The following LYRM4 variants were observed in gnomAD, a reference collection of about 807,000 sequenced individuals.
The protein encoded by LYRM4 is LYR motif containing 4.
In LYRM4, 9 loss-of-function variants were observed where a neutral mutation model predicts 11.7. That is an observed-to-expected ratio of 0.77 (90% CI 0.46 to 1.34). The LOEUF is 1.34. Among genes scored for constraint, LYRM4 ranks in the 40% most tolerant of loss-of-function variants. The pLI is 0.00. For synonymous variants in LYRM4, 42 were observed against 40.4 expected, an observed-to-expected ratio of 1.04 and a Z score of -0.15; for missense variants, 133 against 112.5, an observed-to-expected ratio of 1.18 and a Z score of -0.82.
intron 2 of LYRM4, among the ~76,000 whole-genome samples, chr6:5,134,828 CA>C: frequency 7.4e-6 from 1 of 136,002 alleles, no homozygotes; most frequent in East Asian, 2.0e-4. Context: ...AAAATGTCAT[CA>C]AATGTCTATT....
intron 2 of LYRM4, among the ~76,000 whole-genome samples, chr6:5,168,897 C>A (rs1001721698): frequency 1.3e-5 from 2 of 151,980 alleles, no homozygotes; most frequent in Admixed American, 6.6e-5. Context: ...GCAAGAGTGA[C>A]GGTGATAAAG....
At chr6:5,245,176 T>A (rs1764139904) in intron 1 of LYRM4, among the ~76,000 whole-genome samples, 1 of 103,084 alleles carries the variant, frequency 9.7e-6, no homozygotes, top group Admixed American at 1.1e-4. Context: ...AATAGGTGAA[T>A]TTCTGGAACA....
At chr6:5,093,988 C>A in the LYRM4 span, among the ~76,000 whole-genome samples, 1 of 152,234 alleles carries the variant, frequency 6.6e-6, no homozygotes, top group Non-Finnish European at 1.5e-5. Flanking sequence ...CCAACCCCGA[C>A]TAGGTTGGTT....
chr6:5,074,527 G>C, the LYRM4 span, among the ~76,000 whole-genome samples: 1 of 150,304 alleles, frequency 6.7e-6, no homozygotes, highest in East Asian at 2.0e-4. Context: ...AGCAGCAAGA[G>C]AACTAGAATT....
chr6:5,172,264 C>T (rs1759472974), intron 2 of LYRM4, among the ~76,000 whole-genome samples: 1 of 152,168 alleles, frequency 6.6e-6, no homozygotes, highest in Admixed American at 6.5e-5. Flanking sequence ...TGGGAAAGCA[C>T]GCTGTAACAC....
In LYRM4 at chr6:5,156,584, G is replaced by A. The variant is rs76199533; in HGVS notation, c.208-47093C>T. 5.9e-3 allele frequency among the ~76,000 whole-genome samples: 904 copies of A among 152,366 alleles called. 8 individuals carry two copies. Among genetic ancestry groups the A allele is most frequent in the Admixed American group, 8.0e-3 (123 of 15,310 alleles). On this transcript the variant is annotated intron_variant, in intron 2 of 2. Transcript: ENST00000330636. ...CCGGGGCTGCCCGTGCATCTTGAAG[G>A]ACTTCGAGTCTGGATGGGTGACCTG...
chr6:5,167,438 A>G (rs187913828), intron 2 of LYRM4, among the ~76,000 whole-genome samples: 36 of 152,316 alleles, frequency 2.4e-4, no homozygotes, highest in African/African-American at 8.4e-4. Context: ...TGTAACACTA[A>G]TAAGTACACC....
intron 2 of LYRM4, among the ~76,000 whole-genome samples, chr6:5,125,803 C>T (rs1391431154): frequency 6.6e-6 from 1 of 152,204 alleles, no homozygotes; most frequent in Non-Finnish European, 1.5e-5. Flanking sequence ...TCTGGGTTTG[C>T]ACTCTGACCT....
intron 2 of LYRM4, among the ~76,000 whole-genome samples, chr6:5,149,717 G>A (rs568656674): frequency 6.6e-6 from 1 of 152,116 alleles, no homozygotes; most frequent in South Asian, 2.1e-4. Context: ...AAAACTATGA[G>A]GTAATAGAAA....
chr6:5,187,462 C>A (rs1300809744), intron 2 of LYRM4, among the ~76,000 whole-genome samples: 1 of 152,114 alleles, frequency 6.6e-6, no homozygotes, highest in Admixed American at 6.5e-5. Flanking sequence ...AGTATTTGAC[C>A]ATTAAAAATA....
At chr6:5,115,362 C>A (rs457759) in intron 2 of LYRM4, among the ~76,000 whole-genome samples, 71,171 of 152,062 alleles carry the variant, frequency 0.47, 18,680 homozygotes, top group East Asian at 0.85. Context: ...ACTTATCATG[C>A]CGCAGAACAA....
At chr6:5,138,743 G>C in intron 2 of LYRM4, 1 of 1,530,096 alleles carries the variant, frequency 6.5e-7, no homozygotes, top group South Asian at 1.2e-5. Flanking sequence ...TTTATGCCTG[G>C]GGGTAAAAAG....
the LYRM4 span, among the ~76,000 whole-genome samples, chr6:5,091,053 C>A: frequency 6.6e-6 from 1 of 152,074 alleles, no homozygotes. Flanking sequence ...CACAATAGGA[C>A]CCAGGTTTGT....
At chr6:5,231,001 G>T (rs1475242779) in intron 1 of LYRM4, among the ~76,000 whole-genome samples, 3 of 152,168 alleles carry the variant, frequency 2.0e-5, no homozygotes, top group Non-Finnish European at 4.4e-5. Flanking sequence ...TCAAGGCCAG[G>T]TGCGGTGGCT....
At chr6:5,058,859 G>A in the LYRM4 span, among the ~76,000 whole-genome samples, 8 of 152,216 alleles carry the variant, frequency 5.3e-5, no homozygotes, top group South Asian at 4.1e-4. Flanking sequence ...AGGTAAAAAT[G>A]TCTTGCTTCC....
the LYRM4 span, chr6:5,066,729 G>T: frequency 1.3e-6 from 1 of 794,034 alleles, no homozygotes; most frequent in Non-Finnish European, 2.2e-6. Context: ...TACGATTTGC[G>T]CCAGGGTCTC....
At chr6:5,041,372 G>GT in the LYRM4 span, among the ~76,000 whole-genome samples, 1 of 152,208 alleles carries the variant, frequency 6.6e-6, no homozygotes, top group East Asian at 1.9e-4. Context: ...ATTCCGTTTG[G>GT]TTTTTTGTAA....
chr6:5,199,100 G>A (rs569168474), intron 2 of LYRM4, among the ~76,000 whole-genome samples: 16 of 152,190 alleles, frequency 1.1e-4, no homozygotes, highest in Non-Finnish European at 1.9e-4. Context: ...ACAAAAACTG[G>A]CATATGAATG....
chr6:5,243,309 A>G (rs1763996556), intron 1 of LYRM4, among the ~76,000 whole-genome samples: 2 of 152,208 alleles, frequency 1.3e-5, no homozygotes, highest in Admixed American at 1.3e-4. Context: ...CCTGCTGGCC[A>G]TGTAGCTCCC....
Sources: gnomAD v4.1 joint callset for allele counts (sites outside exome capture counted in the v4.1 genomes callset) on GRCh38, gnomAD v4.1.1 for gene constraint, MANE v1.5 for transcripts, NCBI Gene and HGNC (gene_info 2026-07-23, HGNC 2026-07-21) for gene names.